The following TNN variants were observed in gnomAD, a reference collection of about 807,000 sequenced individuals.
The protein encoded by TNN is tenascin N, also known as tenascin-N.
TNN carries 122 observed loss-of-function variants against 134.4 expected under a neutral mutation model. That is an observed-to-expected ratio of 0.91 (90% CI 0.78 to 1.06). The LOEUF is 1.06. Among genes scored for constraint, TNN ranks in the 50% least tolerant of loss-of-function variants. The probability of loss-of-function intolerance (pLI) is 0.00; values close to 1 mark genes in which losing one functional copy is unlikely to be tolerated. For missense variants in TNN, 1,739 were observed against 1,699.4 expected, an observed-to-expected ratio of 1.02 and a Z score of -0.41; for synonymous variants, 710 against 670.3, an observed-to-expected ratio of 1.06 and a Z score of -0.91.
intron 2 of TNN, 107 bp from the exon 3 acceptor site, chr1:175,079,226 A>C (rs1161853546): frequency 7.6e-7 from 1 of 1,319,072 alleles, no homozygotes; most frequent in African/African-American, 1.5e-5. Flanking sequence ...CCAGACCCTT[A>C]AGAGTGGGGC....
intron 16 of TNN, among the ~76,000 whole-genome samples, chr1:175,136,349 A>G (rs1286814810): frequency 6.6e-6 from 1 of 152,108 alleles, no homozygotes; most frequent in Non-Finnish European, 1.5e-5. Context: ...TCTCCTCTGG[A>G]GCAGATGTTC....
intron 10 of TNN, among the ~76,000 whole-genome samples, chr1:175,117,432 C>G (rs1675216092): frequency 1.3e-5 from 2 of 152,160 alleles, no homozygotes; most frequent in Admixed American, 1.3e-4. Context: ...ATGGTCATGT[C>G]CATCAACTCC....
At position 175,118,940 on chromosome 1, in the gene TNN, T is replaced by TAA. The variant is rs1675268328; in HGVS notation, c.2650+117_2650+118insAA. On this transcript the variant is annotated intron_variant, in intron 11 of 18. Coordinates refer to ENST00000239462, the MANE Select transcript of TNN (RefSeq NM_022093.2). ...GTAACCTCAGGGCTGCAGACTGTTTTAGGAGAGTTTGCTGTAAAAACAAAA... is the reference window on the plus strand; with the variant it reads ...GTAACCTCAGGGCTGCAGACTGTTTTAAAGGAGAGTTTGCTGTAAAAACAAAA... The TAA allele has an allele frequency of 4.3e-5, 59 of 1,360,728 alleles. No homozygotes were observed. The South Asian group carries it at 7.9e-4, about 18-fold the overall frequency. The allele number at this position is 1,360,728 out of a possible 1,614,324, so 84.3% of individuals were successfully genotyped here. A position where few individuals can be genotyped will look rare whatever the true frequency, so the allele number is the denominator to read the frequency against.
rs1341221684 is a variant in TNN, at chr1:175,079,572, T to C, written c.649T>C (p.Cys217Arg). 6.3e-7 allele frequency: 1 copy of C among 1,584,882 alleles called. No individual in the cohort carries two copies. Among genetic ancestry groups the C allele is most frequent in the East Asian group, 2.3e-5 (1 of 43,034 alleles). ...SGHGECVRGV[C>R]QCHEDFMSED... The stretch of plus-strand genomic sequence containing the variant: ...ACACGGCGAGTGCGTGCGCGGCGTG[T>C]GCCAGTGCCACGAAGACTTCATGTC... The change falls in exon 3 of 19, where the codon TGC becomes CGC. Residue 217 changes from cysteine (C) to arginine (R), a missense_variant. Cys to Arg is a radical substitution (Grantham distance 180). Coordinates refer to ENST00000239462, the MANE Select transcript of TNN (RefSeq NM_022093.2).
chr1:175,140,129 A>G (rs1216979669), intron 17 of TNN, among the ~76,000 whole-genome samples: 1 of 152,258 alleles, frequency 6.6e-6, no homozygotes, highest in African/African-American at 2.4e-5. Flanking sequence ...CTGACAGCTT[A>G]TTCCAGGTTC....
chr1:175,085,623 C>G, intron 6 of TNN, 129 bp downstream of exon 6: 1 of 700,972 alleles, frequency 1.4e-6, no homozygotes, highest in South Asian at 1.7e-5. Context: ...GCCTGTAATC[C>G]CAGCACTTTG....
At chr1:175,089,926 C>T (rs1465148267) in intron 6 of TNN, among the ~76,000 whole-genome samples, 1 of 152,186 alleles carries the variant, frequency 6.6e-6, no homozygotes, top group East Asian at 1.9e-4. Context: ...TCCTTCATGT[C>T]CTAGGCTGAG....
intron 11 of TNN, among the ~76,000 whole-genome samples, chr1:175,119,520 G>A (rs1295132099): frequency 6.6e-6 from 1 of 152,060 alleles, no homozygotes; most frequent in Non-Finnish European, 1.5e-5. Context: ...CAGCCCAGTA[G>A]GTTTCACCCT....
Position 175,128,121 on chromosome 1 carries a change from G to T in TNN, c.3135G>T (p.Lys1045Asn), listed in dbSNP as rs1170385651. 6.2e-7 allele frequency: 1 copy of T among 1,613,118 alleles called. No individual in the cohort carries two copies. Among genetic ancestry groups the T allele is most frequent in the Non-Finnish European group, 8.5e-7 (1 of 1,179,590 alleles). The change falls in exon 14 of 19, where the codon AAG (lysine) becomes AAT (asparagine). Residue 1045 changes from lysine (K) to asparagine (N), a missense_variant. Physicochemically the swap from Lys to Asn is moderately conservative, Grantham distance 94. Transcript: ENST00000239462. ...ATYPVSLVAF[K>N]GGRRSRNVST... ...ACCCTGTCTCCCTTGTTGCCTTTAA[G>T]GGTGGTCGCCGGAGCAGAAATGTAT...
chr1:175,111,770 CT>C (rs1675033702), intron 9 of TNN, among the ~76,000 whole-genome samples: 1 of 133,548 alleles, frequency 7.5e-6, no homozygotes, highest in South Asian at 2.3e-4. Context: ...AAAGGGATTG[CT>C]TCCTTGATTT....
intron 17 of TNN, among the ~76,000 whole-genome samples, chr1:175,143,352 T>A (rs1454044622): frequency 6.6e-6 from 1 of 152,164 alleles, no homozygotes; most frequent in African/African-American, 2.4e-5. Flanking sequence ...TATTGCCTTT[T>A]ATGAGCAGAA....
intron 17 of TNN, among the ~76,000 whole-genome samples, chr1:175,137,397 T>TGTGTGTGTGA (rs10638677): frequency 0.036 from 5,306 of 149,384 alleles, 142 homozygotes; most frequent in East Asian, 0.07. Context: ...TGTGTGATTA[T>TGTGTGTGTGA]TTGAGCTTTT....
At position 175,080,383 on chromosome 1, in the gene TNN, G is replaced by T; in HGVS notation, c.1005G>T (p.Lys335Asn). Residue 335 changes from lysine (K) to asparagine (N), a missense_variant, in exon 4 of 19, where the codon AAG (lysine) becomes AAT (asparagine). Physicochemically the swap from Lys to Asn is moderately conservative, Grantham distance 94. Coordinates refer to ENST00000239462, the MANE Select transcript of TNN (RefSeq NM_022093.2). Reference protein sequence around the residue: ...TKYIVTLRNVKNEVSSSPQHL... With the variant: ...TKYIVTLRNVNNEVSSSPQHL... ...ACATAGTCACCCTGCGTAACGTCAA[G>T]AATGAAGTTTCTAGCAGCCCACAGC... The T allele has an allele frequency of 6.2e-7, 1 of 1,614,132 alleles. No individual in the cohort carries two copies. Among genetic ancestry groups the T allele is most frequent in the Non-Finnish European group, 8.5e-7 (1 of 1,180,014 alleles).
chr1:175,082,848 C>A (rs566158745), intron 4 of TNN, among the ~76,000 whole-genome samples: 2 of 152,314 alleles, frequency 1.3e-5, no homozygotes, highest in Admixed American at 6.5e-5. Context: ...GAAGGCCAGG[C>A]TCCCTCAGCC....
chr1:175,096,894 A>G (rs546865058), intron 7 of TNN, among the ~76,000 whole-genome samples: 1 of 152,188 alleles, frequency 6.6e-6, no homozygotes, highest in African/African-American at 2.4e-5. Context: ...TACAAGTTTG[A>G]TTCTTTTTAT....
intron 17 of TNN, among the ~76,000 whole-genome samples, chr1:175,139,174 A>G (rs1400715481): frequency 6.6e-6 from 1 of 152,350 alleles, no homozygotes; most frequent in Non-Finnish European, 1.5e-5. Flanking sequence ...AAATTTATTT[A>G]AAAATGTTCT....
chr1:175,093,919 C>G (rs1674507049), intron 6 of TNN, 71 bp from the exon 7 acceptor site: 3 of 1,513,338 alleles, frequency 2.0e-6, no homozygotes, highest in South Asian at 2.6e-5. Context: ...TGAACTAGAT[C>G]TTTAACAATC....
rs757300323 is a variant in TNN at position 175,127,008 on chromosome 1, A to G, written c.2968A>G (p.Ile990Val). ...RPSAVTQSGG[I>V]LTWTPPSAQI... The stretch of plus-strand genomic sequence containing the variant: ...ATCTGCTGTAACGCAGTCTGGTGGC[A>G]TATTGACCTGGACGCCCCCCTCTGC... The change falls in exon 13 of 19, where the codon ATA becomes GTA. Residue 990 changes from isoleucine to valine, a missense_variant. Coordinates refer to ENST00000239462, the MANE Select transcript of TNN (RefSeq NM_022093.2). The G allele has an allele frequency of 1.2e-6, 2 of 1,614,168 alleles. No homozygotes were observed. The highest frequency in any genetic ancestry group is 1.1e-5 in the South Asian group (1 of 91,086).
intron 18 of TNN, among the ~76,000 whole-genome samples, chr1:175,145,235 AGTT>A (rs1224953625): frequency 6.6e-6 from 1 of 152,086 alleles, no homozygotes; most frequent in Non-Finnish European, 1.5e-5. Flanking sequence ...CCTACTTTCT[AGTT>A]GTTCTCCTAG....
Sources: allele counts gnomAD v4.1 joint callset (sites outside exome capture counted in the v4.1 genomes callset), GRCh38; gene constraint gnomAD v4.1.1; transcripts MANE v1.5; gene names NCBI Gene and HGNC (gene_info 2026-07-23, HGNC 2026-07-21).